SOX5: variants seen among roughly 807,000 people sequenced by gnomAD.
SOX5 encodes the protein SRY-box transcription factor 5.
A neutral mutation model predicts 92.0 loss-of-function variants in SOX5; 9 were observed. The ratio of observed to expected loss-of-function variants is 0.10; its 90% CI spans 0.06 to 0.17. The LOEUF (loss-of-function observed/expected upper bound fraction) is 0.17. Ranked by LOEUF, SOX5 falls within the 10% of genes least tolerant of loss-of-function variation. The probability of loss-of-function intolerance (pLI) is 1.00; values close to 1 mark genes in which losing one functional copy is unlikely to be tolerated. For synonymous variants in SOX5, 344 were observed against 336.3 expected, an observed-to-expected ratio of 1.02 and a Z score of -0.25; for missense variants, 642 against 944.5, an observed-to-expected ratio of 0.68 and a Z score of 4.20.
chr12:24,067,282 T>C (rs1203724364), intron 4 of SOX5, among the ~76,000 whole-genome samples: 1 of 152,164 alleles, frequency 6.6e-6, no homozygotes, highest in African/African-American at 2.4e-5. Flanking sequence ...CCTCCCTGGA[T>C]ACTTCTAAAC....
At chr12:23,808,124 T>C (rs1487001140) in intron 3 of SOX5, among the ~76,000 whole-genome samples, 1 of 151,982 alleles carries the variant, frequency 6.6e-6, no homozygotes, top group Non-Finnish European at 1.5e-5. Flanking sequence ...GATATATATA[T>C]ATATATATTT....
chr12:24,449,535 G>T (rs759394279), intron 1 of SOX5, among the ~76,000 whole-genome samples: 3 of 152,122 alleles, frequency 2.0e-5, no homozygotes, highest in Non-Finnish European at 2.9e-5. Flanking sequence ...TTTTCATGTC[G>T]CTTTGTGTTG....
At chr12:23,821,792 T>C (rs1399659186) in intron 3 of SOX5, among the ~76,000 whole-genome samples, 1 of 152,194 alleles carries the variant, frequency 6.6e-6, no homozygotes, top group Non-Finnish European at 1.5e-5. Context: ...CTTTTTTTGC[T>C]GTATGTGTTG....
intron 11 of SOX5, 26 bp from the exon 12 acceptor site, chr12:23,546,450 C>T: frequency 7.9e-7 from 1 of 1,267,734 alleles, no homozygotes. Context: ...AATGAGAGAT[C>T]AGTCTAGGAA....
intron 1 of SOX5, among the ~76,000 whole-genome samples, chr12:24,507,540 T>G (rs1948911891): frequency 6.6e-6 from 1 of 152,218 alleles, no homozygotes; most frequent in Non-Finnish European, 1.5e-5. Flanking sequence ...TAACAAAGTT[T>G]AATATGTGGT....
chr12:24,382,627 G>C (rs1596121646), intron 1 of SOX5, among the ~76,000 whole-genome samples: 2 of 152,268 alleles, frequency 1.3e-5, no homozygotes, highest in South Asian at 4.1e-4. Context: ...TTTGTGAGAA[G>C]ACTAAAAAGG....
intron 1 of SOX5, among the ~76,000 whole-genome samples, chr12:24,515,327 G>T (rs1420613537): frequency 6.6e-6 from 1 of 152,104 alleles, no homozygotes; most frequent in Non-Finnish European, 1.5e-5. Flanking sequence ...AGAATTAAAT[G>T]AATTCATACA....
At chr12:24,002,902 A>T (rs1951755053) in intron 4 of SOX5, among the ~76,000 whole-genome samples, 1 of 147,348 alleles carries the variant, frequency 6.8e-6, no homozygotes, top group South Asian at 2.3e-4. Context: ...AATATTCATC[A>T]TGTATATAGA....
chr12:23,952,796 G>A (rs1429764084), upstream of SOX5, among the ~76,000 whole-genome samples: 1 of 152,082 alleles, frequency 6.6e-6, no homozygotes, highest in Non-Finnish European at 1.5e-5. Flanking sequence ...GTAGAAAGGG[G>A]TAGGTATGTA....
At chr12:24,242,564 T>C (rs563764749) in intron 3 of SOX5, among the ~76,000 whole-genome samples, 1 of 152,318 alleles carries the variant, frequency 6.6e-6, no homozygotes, top group South Asian at 2.1e-4. Context: ...GTTTATTTTC[T>C]CTTCTTAAAC....
chr12:23,543,490 C>CCATTATCAGAAGTACTT, intron 12 of SOX5, 106 bp from the exon 13 acceptor site: 2 of 811,328 alleles, frequency 2.5e-6, no homozygotes, highest in Non-Finnish European at 3.9e-6. Context: ...AGAAAAAGTA[C>CCATTATCAGAAGTACTT]TTCTGATAAT....
intron 4 of SOX5, among the ~76,000 whole-genome samples, chr12:24,211,332 C>T (rs1457891747): frequency 6.6e-6 from 1 of 152,198 alleles, no homozygotes; most frequent in Non-Finnish European, 1.5e-5. Context: ...CTGACATACA[C>T]ATCAAAATCT....
At chr12:24,512,428 T>C (rs1949406979) in intron 1 of SOX5, among the ~76,000 whole-genome samples, 2 of 152,260 alleles carry the variant, frequency 1.3e-5, no homozygotes, top group South Asian at 4.1e-4. Flanking sequence ...TGCCTCTTAT[T>C]TTATTTCCAG....
At chr12:23,870,959 G>C (rs909677389) in intron 2 of SOX5, among the ~76,000 whole-genome samples, 2 of 151,884 alleles carry the variant, frequency 1.3e-5, no homozygotes, top group African/African-American at 4.8e-5. Context: ...TGAAAATCCC[G>C]TTATCCACCA....
intron 6 of SOX5, among the ~76,000 whole-genome samples, chr12:23,701,528 G>A (rs945802848): frequency 1.3e-5 from 2 of 151,840 alleles, no homozygotes; most frequent in African/African-American, 2.4e-5. Context: ...ATATCATTAA[G>A]GTCAAAGACA....
chr12:24,421,503 A>G (rs1486067016), intron 1 of SOX5, among the ~76,000 whole-genome samples: 1 of 152,154 alleles, frequency 6.6e-6, no homozygotes, highest in African/African-American at 2.4e-5. Flanking sequence ...ATGTTCTTAC[A>G]CTGTTTAATT....
intron 3 of SOX5, among the ~76,000 whole-genome samples, chr12:24,213,861 A>G (rs1484869644): frequency 6.6e-6 from 1 of 152,138 alleles, no homozygotes; most frequent in Non-Finnish European, 1.5e-5. Flanking sequence ...ACTCACTCAC[A>G]CAAGTGTGTG....
At chr12:23,906,826 C>T (rs544547600) in intron 1 of SOX5, among the ~76,000 whole-genome samples, 1 of 152,100 alleles carries the variant, frequency 6.6e-6, no homozygotes, top group South Asian at 2.1e-4. Flanking sequence ...GAATAGTGTG[C>T]TTCCGGGTTA....
intron 4 of SOX5, among the ~76,000 whole-genome samples, chr12:24,153,406 T>A (rs766554166): frequency 7.2e-5 from 11 of 152,242 alleles, no homozygotes; most frequent in South Asian, 6.2e-4. Context: ...TAATTAACCT[T>A]ATTACAAATA....
Sources: allele counts gnomAD v4.1 joint callset (sites outside exome capture counted in the v4.1 genomes callset), GRCh38; gene constraint gnomAD v4.1.1; transcripts MANE v1.5; gene names NCBI Gene and HGNC (gene_info 2026-07-23, HGNC 2026-07-21).